The following NOX4 variants were observed in gnomAD, a reference collection of about 807,000 sequenced individuals.
NOX4 encodes the protein kidney oxidase-1.
A neutral mutation model predicts 87.6 loss-of-function variants in NOX4; 69 were observed. That is an observed-to-expected ratio of 0.79 (90% CI 0.65 to 0.96). The LOEUF (loss-of-function observed/expected upper bound fraction) is 0.96. Among genes scored for constraint, NOX4 ranks in the 40% least tolerant of loss-of-function variants. The pLI, the probability that NOX4 is intolerant of heterozygous loss-of-function variation, is 0.00. For missense variants in NOX4, 680 were observed against 681.5 expected, an observed-to-expected ratio of 1.00 and a Z score of 0.02; for synonymous variants, 275 against 238.2, an observed-to-expected ratio of 1.15 and a Z score of -1.42.
chr11:89,366,685 T>C (rs1939016019), intron 12 of NOX4, among the ~76,000 whole-genome samples: 3 of 131,882 alleles, frequency 2.3e-5, no homozygotes, highest in South Asian at 4.8e-4. Context: ...AAGACCTGTC[T>C]CTAAAAACTG....
chr11:89,557,323 C>A, the NOX4 span: 1 of 152,066 alleles, frequency 6.6e-6, no homozygotes, highest in Non-Finnish European at 1.5e-5. Flanking sequence ...ACAACCAGGG[C>A]AGTATTTGAA....
chr11:89,440,264 G>A (rs1944399197), intron 6 of NOX4, among the ~76,000 whole-genome samples: 1 of 151,984 alleles, frequency 6.6e-6, no homozygotes, highest in Admixed American at 6.6e-5. Flanking sequence ...TGTTATATTT[G>A]TAACATATAT....
intron 5 of NOX4, chr11:89,443,740 A>G (rs1944559565): frequency 6.3e-6 from 1 of 159,048 alleles, no homozygotes; most frequent in South Asian, 2.0e-4. Context: ...CAGGATTCAC[A>G]AAAAATCAAC....
intron 11 of NOX4, among the ~76,000 whole-genome samples, chr11:89,398,295 T>C (rs1336736204): frequency 2.6e-5 from 4 of 152,010 alleles, no homozygotes; most frequent in Non-Finnish European, 5.9e-5. Context: ...CTCAATAAAC[T>C]AGATATTGAT....
At chr11:89,368,470 T>C (rs1314344446) in intron 12 of NOX4, among the ~76,000 whole-genome samples, 1 of 152,034 alleles carries the variant, frequency 6.6e-6, no homozygotes, top group Non-Finnish European at 1.5e-5. Context: ...TAAAGTCTGC[T>C]CTCCGCTTCT....
In NOX4 at chr11:89,450,368, C is replaced by T. The variant is rs186911045; in HGVS notation, c.265-844G>A. On this transcript the variant is annotated intron_variant, in intron 3 of 17. Transcript: ENST00000263317. Reference sequence around the variant, plus strand: ...CAAAGTGATCTCAAGTTAACAACTCCTTTTAAAATATCAATATCTATCCAG... The same window carrying T: ...CAAAGTGATCTCAAGTTAACAACTCTTTTTAAAATATCAATATCTATCCAG... Among the ~76,000 whole-genome samples the T allele has an allele frequency of 9.2e-4, 140 of 152,262 alleles. 5 individuals are homozygous for T. The highest frequency in any genetic ancestry group is 7.1e-3 in the Admixed American group (109 of 15,288).
At chr11:89,415,154 A>C (rs1942691067) in intron 8 of NOX4, among the ~76,000 whole-genome samples, 1 of 152,048 alleles carries the variant, frequency 6.6e-6, no homozygotes, top group Non-Finnish European at 1.5e-5. Flanking sequence ...GCATATTAAA[A>C]ACAAACAAAA....
intron 6 of NOX4, among the ~76,000 whole-genome samples, chr11:89,438,467 TATTATATACTATATATAC>T (rs1944210670): frequency 1.2e-5 from 1 of 83,282 alleles, no homozygotes; most frequent in African/African-American, 6.7e-5. Flanking sequence ...ACAGCATATA[TATTATATACTATATATAC>T]TATATAATAT....
the NOX4 span, among the ~76,000 whole-genome samples, chr11:89,585,576 T>A: frequency 2.0e-5 from 3 of 152,130 alleles, no homozygotes; most frequent in Non-Finnish European, 4.4e-5. Context: ...CCACAGACAA[T>A]GTATAAATTA....
At chr11:89,338,194 T>C (rs1426450681) in intron 15 of NOX4, among the ~76,000 whole-genome samples, 5 of 152,260 alleles carry the variant, frequency 3.3e-5, no homozygotes, top group African/African-American at 1.2e-4. Context: ...TTCTACTTCC[T>C]GCCTCTGCAA....
chr11:89,494,050 T>G, upstream of NOX4, among the ~76,000 whole-genome samples: 1 of 152,152 alleles, frequency 6.6e-6, no homozygotes, highest in Non-Finnish European at 1.5e-5. Flanking sequence ...CCACCGTGCC[T>G]GGCCAACCAG....
intron 2 of NOX4, 73 bp downstream of exon 2, chr11:89,490,385 C>G: frequency 9.7e-7 from 1 of 1,033,284 alleles, no homozygotes; most frequent in Non-Finnish European, 1.5e-6. Context: ...ATGAATGGAA[C>G]TGACCAAACC....
intron 2 of NOX4, among the ~76,000 whole-genome samples, chr11:89,486,159 G>C (rs748271622): frequency 6.7e-6 from 1 of 149,100 alleles, no homozygotes; most frequent in Admixed American, 6.7e-5. Context: ...CTAGTTCTGA[G>C]AAGTAAATAC....
intron 4 of NOX4, 151 bp from the exon 5 acceptor site, chr11:89,444,383 G>A: frequency 3.0e-6 from 2 of 673,710 alleles, no homozygotes; most frequent in South Asian, 4.2e-5. Context: ...AAGTTTTAAA[G>A]ACACAAAAAA....
intron 8 of NOX4, among the ~76,000 whole-genome samples, chr11:89,413,900 C>T (rs1400321089): frequency 1.3e-5 from 2 of 151,898 alleles, no homozygotes; most frequent in Admixed American, 6.6e-5. Flanking sequence ...AACATATATG[C>T]CTACTATGTA....
At chr11:89,476,108 T>G (rs1946157180) in intron 2 of NOX4, among the ~76,000 whole-genome samples, 1 of 152,192 alleles carries the variant, frequency 6.6e-6, no homozygotes. Context: ...AGCTATCTAC[T>G]ATACTGTACT....
At chr11:89,434,453 T>C (rs1943979097) in intron 6 of NOX4, among the ~76,000 whole-genome samples, 1 of 152,006 alleles carries the variant, frequency 6.6e-6, no homozygotes, top group Non-Finnish European at 1.5e-5. Flanking sequence ...TTTTTCATGA[T>C]TTTTCCATTT....
At chr11:89,381,138 G>T (rs1940255217) in intron 11 of NOX4, among the ~76,000 whole-genome samples, 1 of 152,104 alleles carries the variant, frequency 6.6e-6, no homozygotes, top group African/African-American at 2.4e-5. Flanking sequence ...ACACAAAGTA[G>T]AAAAATGATG....
At chr11:89,538,032 C>T in the NOX4 span, among the ~76,000 whole-genome samples, 2 of 152,180 alleles carry the variant, frequency 1.3e-5, no homozygotes, top group African/African-American at 4.8e-5. Context: ...CAGTCCCTGG[C>T]TCTCTGCTGT....
Sources: gnomAD v4.1 joint callset for allele counts (sites outside exome capture counted in the v4.1 genomes callset) on GRCh38, gnomAD v4.1.1 for gene constraint, MANE v1.5 for transcripts, NCBI Gene and HGNC (gene_info 2026-07-23, HGNC 2026-07-21) for gene names.